The following ALG9 variants were observed in gnomAD, a reference collection of about 807,000 sequenced individuals.
ALG9 encodes ALG9 alpha-1,2-mannosyltransferase, also known as alpha-1,2-mannosyltransferase ALG9.
Under a neutral mutation model 81.8 loss-of-function variants are expected in ALG9, and 55 were observed. The ratio of observed to expected loss-of-function variants is 0.67; its 90% CI spans 0.54 to 0.84. The LOEUF is 0.84. Among genes scored for constraint, ALG9 ranks in the 40% least tolerant of loss-of-function variants. The pLI is 0.00. For synonymous variants in ALG9, 278 were observed against 274.3 expected (o/e 1.01, Z -0.13); for missense variants, 629 against 745.0 (o/e 0.84, Z 1.81).
chr11:111,868,472 T>C, intron 3 of ALG9, 130 bp downstream of exon 3: 2 of 1,172,466 alleles, frequency 1.7e-6, no homozygotes, highest in Admixed American at 2.5e-5. Context: ...GAATGGTGAA[T>C]TGGATAAATG....
At chr11:111,823,931 G>C (rs1555106203) in intron 13 of ALG9, among the ~76,000 whole-genome samples, 4 of 152,190 alleles carry the variant, frequency 2.6e-5, no homozygotes, top group Admixed American at 1.3e-4. Context: ...TATGTGAATT[G>C]CAACTATTTG....
At chr11:111,798,177 T>C in intron 14 of ALG9, 1 of 301,970 alleles carries the variant, frequency 3.3e-6, no homozygotes, top group Non-Finnish European at 6.6e-6. Context: ...CACTCTAGCC[T>C]GGGCAACAGA....
intron 14 of ALG9, among the ~76,000 whole-genome samples, chr11:111,794,707 T>C (rs1371907462): frequency 6.6e-6 from 1 of 152,172 alleles, no homozygotes; most frequent in Non-Finnish European, 1.5e-5. Flanking sequence ...CAAGCATTAA[T>C]ATCCCCTGTA....
intron 13 of ALG9, chr11:111,828,950 T>C (rs1212084094): frequency 2.0e-5 from 3 of 152,210 alleles, no homozygotes; most frequent in Non-Finnish European, 2.9e-5. Context: ...GTTATATATA[T>C]TGTTTTACTG....
chr11:111,856,716 A>G (rs544665904), intron 6 of ALG9, among the ~76,000 whole-genome samples: 1 of 151,762 alleles, frequency 6.6e-6, no homozygotes, highest in Non-Finnish European at 1.5e-5. Context: ...CCTGTGGTAC[A>G]GGTAAGAAAT....
the ALG9 span, chr11:111,768,842 C>CGTGTGTGT: frequency 0.45 from 64,716 of 143,000 alleles, 14,631 homozygotes; most frequent in East Asian, 0.66. Context: ...TGTGTGTGTG[C>CGTGTGTGT]GTGTGTGTGT....
intron 14 of ALG9, chr11:111,788,629 C>T (rs1416249942): frequency 8.1e-6 from 3 of 370,414 alleles, no homozygotes; most frequent in African/African-American, 6.4e-5. Context: ...CCCGCAGTCC[C>T]AGCTATTCTG....
At chr11:111,828,841 T>C (rs1204634949) in intron 13 of ALG9, 1 of 152,206 alleles carries the variant, frequency 6.6e-6, no homozygotes, top group African/African-American at 2.4e-5. Context: ...CAAAATCACT[T>C]ACAGTCCTCC....
chr11:111,792,077 C>T (rs1229983617), intron 14 of ALG9, among the ~76,000 whole-genome samples: 3 of 152,164 alleles, frequency 2.0e-5, no homozygotes, highest in African/African-American at 4.8e-5. Context: ...GGCGAGACTC[C>T]GTCTCAGGAA....
chr11:111,857,826 A>T lies in ALG9; in HGVS notation c.566-89T>A, dbSNP rs549096219. 1.4e-5 allele frequency: 20 copies of T among 1,435,822 alleles called. No individual in the cohort carries two copies. In the South Asian group the frequency reaches 2.3e-4, roughly 16 times the overall value. 88.9% of individuals were successfully genotyped at this position (1,435,822 alleles called of 1,614,324 possible). On this transcript the variant is annotated intron_variant, in intron 5 of 14. Coordinates refer to ENST00000616540, the MANE Select transcript of ALG9 (RefSeq NM_024740.2). The stretch of plus-strand genomic sequence containing the variant: ...TTAAAAACTGATTAAAAATTTACCT[A>T]CATTATAAAATGTCAATAAACAGGT...
chr11:111,837,659 G>A, intron 11 of ALG9, 44 bp from the exon 12 acceptor site: 2 of 1,600,816 alleles, frequency 1.2e-6, no homozygotes, highest in African/African-American at 1.3e-5. Flanking sequence ...TGAGTAAGAT[G>A]AGATTCTCAC....
chr11:111,784,920 G>A lies in ALG9; in HGVS notation c.*1477C>T, dbSNP rs1168818865. Reference sequence around the variant, plus strand: ...ACAGAAGCACTACTTTCCTGCCACAGGTCAGGCTGCATCACACAGCACTGC... The same window carrying A: ...ACAGAAGCACTACTTTCCTGCCACAAGTCAGGCTGCATCACACAGCACTGC... On this transcript the variant is annotated 3_prime_UTR_variant, in exon 15 of 15. Transcript: ENST00000616540. 3.9e-5 allele frequency: 6 copies of A among 152,418 alleles called. No homozygotes were observed. Among genetic ancestry groups the A allele is most frequent in the African/African-American group, 1.4e-4 (6 of 41,436 alleles). 9.4% of individuals were successfully genotyped at this position (152,418 alleles called of 1,614,324 possible). A position where few individuals can be genotyped will look rare whatever the true frequency, so the allele number is the denominator to read the frequency against.
At chr11:111,807,762 G>A (rs1371622517) in intron 14 of ALG9, among the ~76,000 whole-genome samples, 2 of 152,184 alleles carry the variant, frequency 1.3e-5, no homozygotes, top group Admixed American at 6.5e-5. Flanking sequence ...CTGCACTCCA[G>A]ACTGGGAGAA....
the ALG9 span, chr11:111,770,924 C>T: frequency 1.3e-5 from 2 of 152,202 alleles, no homozygotes; most frequent in Admixed American, 1.3e-4. Flanking sequence ...TTAAGGCAGC[C>T]CTCAGGTAAC....
At position 111,793,632 on chromosome 11, in the gene ALG9, G is replaced by A. The variant is rs112819041; in HGVS notation, c.1734-7112C>T. 9.9e-3 allele frequency among the ~76,000 whole-genome samples: 1,505 copies of A among 152,092 alleles called. 39 individuals carry two copies. Among genetic ancestry groups the A allele is most frequent in the African/African-American group, 0.035 (1,434 of 41,512 alleles). On this transcript the variant is annotated intron_variant, in intron 14 of 14. Transcript: ENST00000616540. ...AAAAATTAGCCAGGCATGGTGGCGG[G>A]TGCCTGTAGTCCCAGCTACCTGGGA...
chr11:111,826,653 T>C (rs1555108804), intron 13 of ALG9, among the ~76,000 whole-genome samples: 2 of 152,172 alleles, frequency 1.3e-5, no homozygotes, highest in Admixed American at 1.3e-4. Context: ...TAACATACAC[T>C]AACTTCTTTT....
intron 9 of ALG9, among the ~76,000 whole-genome samples, chr11:111,842,119 A>G (rs542993408): frequency 1.7e-4 from 26 of 152,104 alleles, no homozygotes; most frequent in African/African-American, 6.3e-4. Context: ...CTGGTCTTGA[A>G]CTTCTGACCT....
In ALG9 at chr11:111,831,126, C is replaced by T. The variant is rs186978474; in HGVS notation, c.1602+5039G>A. 3.7e-3 allele frequency among the ~76,000 whole-genome samples: 561 copies of T among 152,240 alleles called. 2 individuals carry two copies. The highest frequency in any genetic ancestry group is 0.013 in the African/African-American group (520 of 41,524). On this transcript the variant is annotated intron_variant, in intron 13 of 14. Coordinates refer to ENST00000616540, the MANE Select transcript of ALG9 (RefSeq NM_024740.2). ...CGCCATCTCGGCTGACTGCAACCTC[C>T]GCCTCCTGGGTTCAAGTGATTCTCC... is the stretch of plus-strand genomic sequence containing the variant.
chr11:111,793,062 C>A lies in ALG9; in HGVS notation c.1734-6542G>T, dbSNP rs141209082. ...GTAGTAGTGTGATCCCAGCTCACTG[C>A]AGCCTTGACCTCAAGGGTTCAAGTG... On this transcript the variant is annotated intron_variant, in intron 14 of 14. Transcript: ENST00000616540. Among the ~76,000 whole-genome samples the A allele has an allele frequency of 6.2e-4, 95 of 152,320 alleles. 1 individual carries two copies. Among genetic ancestry groups the A allele is most frequent in the African/African-American group, 2.2e-3 (92 of 41,572 alleles).
Sources: allele counts gnomAD v4.1 joint callset (sites outside exome capture counted in the v4.1 genomes callset), GRCh38; gene constraint gnomAD v4.1.1; transcripts MANE v1.5; gene names NCBI Gene and HGNC (gene_info 2026-07-23, HGNC 2026-07-21).